CSMD1: variants seen among roughly 807,000 people sequenced by gnomAD.
CSMD1 encodes CUB and sushi domain-containing protein 1.
Under a neutral mutation model 417.5 loss-of-function variants are expected in CSMD1, and 213 were observed. That is an observed-to-expected ratio of 0.51 (90% CI 0.46 to 0.57). CSMD1 has a LOEUF of 0.57. Among genes scored for constraint, CSMD1 ranks in the 20% least tolerant of loss-of-function variants. The probability of loss-of-function intolerance (pLI) is 0.00; values close to 1 mark genes in which losing one functional copy is unlikely to be tolerated. For missense variants in CSMD1, 6,923 were observed against 4,529.7 expected, an observed-to-expected ratio of 1.53 and a Z score of -15.17; for synonymous variants, 2,862 against 1,736.8, an observed-to-expected ratio of 1.65 and a Z score of -16.11.
intron 1 of CSMD1, among the ~76,000 whole-genome samples, chr8:4,913,638 G>C (rs1374789742): frequency 6.6e-6 from 1 of 152,174 alleles, no homozygotes; most frequent in African/African-American, 2.4e-5. Context: ...CCAAGACTGA[G>C]TTCTGCGTCA....
At chr8:4,907,309 A>G (rs1429323118) in intron 1 of CSMD1, among the ~76,000 whole-genome samples, 3 of 152,172 alleles carry the variant, frequency 2.0e-5, no homozygotes, top group East Asian at 1.9e-4. Context: ...ATAAAAGCCA[A>G]AAGAACTCTC....
At chr8:3,844,567 T>C (rs560554567) in intron 5 of CSMD1, among the ~76,000 whole-genome samples, 1 of 152,232 alleles carries the variant, frequency 6.6e-6, no homozygotes, top group East Asian at 1.9e-4. Context: ...TTTAGGAAAG[T>C]AATAACTAGA....
intron 18 of CSMD1, among the ~76,000 whole-genome samples, chr8:3,383,003 T>C (rs1307128867): frequency 2.6e-5 from 4 of 152,090 alleles, no homozygotes; most frequent in Non-Finnish European, 5.9e-5. Flanking sequence ...AGCCGAACAA[T>C]GAGAGGAGAA....
At chr8:4,916,636 T>C (rs1254359208) in intron 1 of CSMD1, among the ~76,000 whole-genome samples, 1 of 152,174 alleles carries the variant, frequency 6.6e-6, no homozygotes, top group Admixed American at 6.5e-5. Flanking sequence ...AGTAATAACC[T>C]CCAATAAAAA....
chr8:4,182,933 T>A (rs907869770), intron 3 of CSMD1, among the ~76,000 whole-genome samples: 19 of 152,072 alleles, frequency 1.2e-4, no homozygotes, highest in African/African-American at 4.6e-4. Context: ...AGAATCTCAA[T>A]TAGCAAATGA....
chr8:4,983,678 A>G (rs1020675201), intron 1 of CSMD1, among the ~76,000 whole-genome samples: 2 of 151,926 alleles, frequency 1.3e-5, no homozygotes, highest in African/African-American at 4.8e-5. Context: ...GCCAGCCACC[A>G]CACCCAGCTA....
In CSMD1 at chr8:4,917,476, T is replaced by C. The variant is rs552175363; in HGVS notation, c.85+76856A>G. ...GGTGAAACTCCATCTCTACTAAAAA[T>C]ACAAAAAATTAGCCGGGCATGGTGG... On this transcript the variant is annotated intron_variant, in intron 1 of 69. Coordinates refer to ENST00000635120, the MANE Select transcript of CSMD1 (RefSeq NM_033225.6). Among the ~76,000 whole-genome samples the C allele has an allele frequency of 1.5e-3, 226 of 151,934 alleles. 1 individual carries two copies. The highest frequency in any genetic ancestry group is 5.1e-3 in the African/African-American group (212 of 41,440).
rs887456656 is a variant in CSMD1, at chr8:4,698,599, T to TTTTA, written c.86-61042_86-61041insTAAA. On this transcript the variant is annotated intron_variant, in intron 1 of 69. Transcript: ENST00000635120. ...TTTTATACAATGGAAATGATAGAAA[T>TTTTA]TTTTTTTTTTTTGGTTCTAAGGAGC... Among the ~76,000 whole-genome samples, 36 of 10,578 alleles carry TTTTA rather than the reference T, an allele frequency of 3.4e-3. 1 individual carries two copies. The highest frequency in any genetic ancestry group is 1.4e-3 in the Non-Finnish European group (10 of 7,038). The allele number at this position is 10,578 out of a possible 152,430, so 6.9% of individuals were successfully genotyped here.
intron 10 of CSMD1, among the ~76,000 whole-genome samples, chr8:3,499,388 C>T (rs988466418): frequency 3.9e-5 from 6 of 152,130 alleles, no homozygotes; most frequent in African/African-American, 4.8e-5. Context: ...GTCACATGAG[C>T]CATCTCTGCT....
intron 1 of CSMD1, among the ~76,000 whole-genome samples, chr8:4,966,847 G>C (rs1020459720): frequency 1.3e-5 from 2 of 152,162 alleles, no homozygotes; most frequent in African/African-American, 4.8e-5. Flanking sequence ...AATTACTGAA[G>C]TTAATTATGT....
At chr8:4,356,262 C>T (rs1265030595) in intron 3 of CSMD1, among the ~76,000 whole-genome samples, 2 of 152,084 alleles carry the variant, frequency 1.3e-5, no homozygotes, top group African/African-American at 4.8e-5. Context: ...AATCTCATCC[C>T]GGTCACTGCA....
At chr8:3,932,615 C>A (rs1810230240) in intron 5 of CSMD1, among the ~76,000 whole-genome samples, 1 of 150,476 alleles carries the variant, frequency 6.6e-6, no homozygotes, top group Non-Finnish European at 1.5e-5. Context: ...TATCATATTT[C>A]ACCAAACATT....
At chr8:4,414,619 G>A (rs1481344260) in intron 3 of CSMD1, among the ~76,000 whole-genome samples, 2 of 151,968 alleles carry the variant, frequency 1.3e-5, no homozygotes, top group African/African-American at 2.4e-5. Flanking sequence ...ACTTCTGCAT[G>A]CGTGGGTGTG....
At chr8:4,616,946 T>C (rs569498354) in intron 2 of CSMD1, among the ~76,000 whole-genome samples, 33 of 133,460 alleles carry the variant, frequency 2.5e-4, no homozygotes, top group Non-Finnish European at 3.7e-4. Context: ...GTATTGTCTT[T>C]TATTTATTCC....
At chr8:4,244,343 A>C (rs1504770) in intron 3 of CSMD1, among the ~76,000 whole-genome samples, 137,625 of 152,134 alleles carry the variant, frequency 0.9, 63,888 homozygotes, top group East Asian at 1. Flanking sequence ...AGCTCCAAGA[A>C]CTGGGATTTT....
chr8:4,729,273 G>T (rs188651771), intron 1 of CSMD1, among the ~76,000 whole-genome samples: 3 of 152,100 alleles, frequency 2.0e-5, no homozygotes, highest in Non-Finnish European at 2.9e-5. Context: ...ATAAAAACCC[G>T]ATCATTATAT....
At chr8:4,267,900 A>G (rs983152918) in intron 3 of CSMD1, among the ~76,000 whole-genome samples, 2 of 152,158 alleles carry the variant, frequency 1.3e-5, no homozygotes, top group African/African-American at 2.4e-5. Flanking sequence ...CACTGTAATG[A>G]CTGAAATAAA....
chr8:4,219,626 T>C (rs189338159), intron 3 of CSMD1, among the ~76,000 whole-genome samples: 32 of 152,256 alleles, frequency 2.1e-4, no homozygotes, highest in African/African-American at 7.7e-4. Flanking sequence ...ACTATATCAC[T>C]TTAAGCAAAT....
rs1481050974 is a variant in CSMD1, at chr8:4,962,186, TGC to T, written c.85+32144_85+32145del. Among the ~76,000 whole-genome samples, 101 of 107,086 alleles carry T rather than the reference TGC, an allele frequency of 9.4e-4. 1 individual carries two copies. The South Asian group carries it at 0.01, about 11-fold the overall frequency. 70.3% of individuals were successfully genotyped at this position (107,086 alleles called of 152,430 possible). A position where few individuals can be genotyped will look rare whatever the true frequency, so the allele number is the denominator to read the frequency against. On this transcript the variant is annotated intron_variant, in intron 1 of 69. Transcript: ENST00000635120. ...AAACAATAATATAAATGTAAATTTC[TGC>T]TTTTTTTTTAAAAAAAAAAGAAAAA...
Sources: allele counts gnomAD v4.1 joint callset (sites outside exome capture counted in the v4.1 genomes callset), GRCh38; gene constraint gnomAD v4.1.1; transcripts MANE v1.5; gene names NCBI Gene and HGNC (gene_info 2026-07-23, HGNC 2026-07-21).